The following HERPUD2 variants were observed in gnomAD, a reference collection of about 807,000 sequenced individuals.
HERPUD2 encodes HERPUD family member 2.
HERPUD2 carries 13 observed loss-of-function variants against 49.9 expected under a neutral mutation model. The observed-to-expected ratio is 0.26, with a 90% CI of 0.17 to 0.41. HERPUD2 has a LOEUF of 0.41. Among genes scored for constraint, HERPUD2 ranks in the 10% least tolerant of loss-of-function variants. The pLI is 1.00. For missense variants in HERPUD2, 449 were observed against 492.2 expected, an observed-to-expected ratio of 0.91 and a Z score of 0.83; for synonymous variants, 172 against 171.4, an observed-to-expected ratio of 1.00 and a Z score of -0.03.
chr7:35,670,821 C>A (rs111765722), intron 3 of HERPUD2, among the ~76,000 whole-genome samples: 1 of 151,928 alleles, frequency 6.6e-6, no homozygotes, highest in African/African-American at 2.4e-5. Flanking sequence ...AACACCTATA[C>A]GCAGATATAA....
At chr7:35,659,014 A>T (rs1303748659) in intron 5 of HERPUD2, among the ~76,000 whole-genome samples, 6 of 152,216 alleles carry the variant, frequency 3.9e-5, no homozygotes, top group Non-Finnish European at 7.3e-5. Flanking sequence ...AGCAATTTTC[A>T]GTTTTAATAC....
intron 5 of HERPUD2, among the ~76,000 whole-genome samples, chr7:35,661,279 T>C (rs532529385): frequency 3.3e-5 from 5 of 152,342 alleles, no homozygotes; most frequent in African/African-American, 4.8e-5. Context: ...TTGGTTACTG[T>C]AGCCTTGTAG....
At chr7:35,670,168 G>GA (rs759885585) in intron 4 of HERPUD2, 47 bp downstream of exon 4, 1,636 of 888,494 alleles carry the variant, frequency 1.8e-3, no homozygotes, top group South Asian at 3.1e-3. Context: ...AGACGACGAC[G>GA]AAAAAAAAAG....
intron 5 of HERPUD2, among the ~76,000 whole-genome samples, chr7:35,664,767 T>C (rs1419569042): frequency 1.3e-5 from 2 of 152,222 alleles, no homozygotes; most frequent in African/African-American, 4.8e-5. Context: ...TTATCTATGC[T>C]GTTTATTCTC....
chr7:35,681,570 A>G (rs1298501214), intron 2 of HERPUD2, among the ~76,000 whole-genome samples: 3 of 152,194 alleles, frequency 2.0e-5, no homozygotes, highest in African/African-American at 7.2e-5. Flanking sequence ...AGTAGAAACA[A>G]CCCAAATGTC....
intron 5 of HERPUD2, among the ~76,000 whole-genome samples, chr7:35,654,715 G>C (rs562195907): frequency 7.0e-6 from 1 of 142,562 alleles, no homozygotes; most frequent in African/African-American, 2.6e-5. Flanking sequence ...ATGCTCTGTT[G>C]CCCAGGCTGG....
intron 5 of HERPUD2, among the ~76,000 whole-genome samples, chr7:35,652,704 GGAAGGGAGA>G (rs763845034): frequency 1.3e-5 from 2 of 151,322 alleles, no homozygotes; most frequent in Non-Finnish European, 3.0e-5. Context: ...GGAGGGGAAG[GGAAGGGAGA>G]GAAGGGAGAG....
At chr7:35,677,658 C>T (rs1490313564) in intron 2 of HERPUD2, among the ~76,000 whole-genome samples, 1 of 152,146 alleles carries the variant, frequency 6.6e-6, no homozygotes, top group Non-Finnish European at 1.5e-5. Context: ...GAGGGTCTTC[C>T]TTTTGGTTTG....
At chr7:35,686,737 A>C (rs1215653399) in intron 2 of HERPUD2, among the ~76,000 whole-genome samples, 1 of 112,116 alleles carries the variant, frequency 8.9e-6, no homozygotes, top group African/African-American at 3.8e-5. Context: ...AAAAAAAAAA[A>C]AAAAAAAACC....
In HERPUD2 at chr7:35,694,407, G is replaced by T. The variant is rs553149646; in HGVS notation, c.-77C>A. 1.5e-5 allele frequency: 23 copies of T among 1,485,866 alleles called. No homozygotes were observed. Among genetic ancestry groups the T allele is most frequent in the East Asian group, 2.3e-5 (1 of 44,264 alleles). The allele number at this position is 1,485,866 out of a possible 1,614,324, so 92.0% of individuals were successfully genotyped here. A position where few individuals can be genotyped will look rare whatever the true frequency, so the allele number is the denominator to read the frequency against. On this transcript the variant is annotated 5_prime_UTR_variant, in exon 2 of 9. Transcript: ENST00000311350. ...GAGCCGAGATGGTCACCGCCGGCGC[G>T]ACTGGGATGAGGACAGAAGTGAGTT...
intron 5 of HERPUD2, among the ~76,000 whole-genome samples, chr7:35,655,358 A>G (rs545436100): frequency 1.4e-4 from 21 of 152,362 alleles, no homozygotes; most frequent in African/African-American, 5.1e-4. Context: ...ACAGCACATC[A>G]AAAAGAGAAT....
chr7:35,635,330 T>C lies in HERPUD2; in HGVS notation c.746A>G (p.Glu249Gly). 1 of 1,614,180 alleles carries C rather than the reference T, an allele frequency of 6.2e-7. No individual in the cohort carries two copies. Among genetic ancestry groups the C allele is most frequent in the South Asian group, 1.1e-5 (1 of 91,082 alleles). Residue 249 changes from glutamate (E) to glycine (G), a missense_variant, in exon 7 of 9, where the codon GAA becomes GGA. Coordinates refer to ENST00000311350, the MANE Select transcript of HERPUD2 (RefSeq NM_022373.5). ...AACATTCTCATTCATGGGTCGATTT[T>C]CTTGGGCCACTAGGTTTGGAGCTGG... ...PPPAPNLVAQ[E>G]NRPMNENVQM...
intron 5 of HERPUD2, among the ~76,000 whole-genome samples, chr7:35,640,924 A>T (rs1207209257): frequency 6.6e-6 from 1 of 152,158 alleles, no homozygotes; most frequent in Non-Finnish European, 1.5e-5. Flanking sequence ...AGCTGAAATA[A>T]AGTATTAAGA....
In HERPUD2 at chr7:35,694,638, G is replaced by C; in HGVS notation, c.-297-11C>G. ...TGAGGAGAAAGGAAGCTATACGAAG[G>C]AAGGGTGGGAGGGATGAGGGCACAA... On this transcript the variant is annotated splice_polypyrimidine_tract_variant and intron_variant, in intron 1 of 8. Coordinates refer to ENST00000311350, the MANE Select transcript of HERPUD2 (RefSeq NM_022373.5). The C allele has an allele frequency of 2.8e-6, 1 of 361,986 alleles. No homozygotes were observed. Among genetic ancestry groups the C allele is most frequent in the Non-Finnish European group, 5.3e-6 (1 of 189,772 alleles). 22.4% of individuals were successfully genotyped at this position (361,986 alleles called of 1,614,324 possible).
At chr7:35,670,158 AGAC>A (rs1229566909) in intron 4 of HERPUD2, 54 bp downstream of exon 4, 8 of 837,084 alleles carry the variant, frequency 9.6e-6, no homozygotes, top group South Asian at 3.7e-5. Context: ...GCAAAAAATA[AGAC>A]GACGACGAAA....
intron 3 of HERPUD2, among the ~76,000 whole-genome samples, chr7:35,672,973 G>A (rs561124938): frequency 3.9e-5 from 6 of 152,154 alleles, no homozygotes; most frequent in Non-Finnish European, 5.9e-5. Context: ...ACCTGAACAT[G>A]AATACATAAT....
intron 5 of HERPUD2, among the ~76,000 whole-genome samples, chr7:35,665,490 A>T (rs192588046): frequency 6.6e-5 from 10 of 152,326 alleles, no homozygotes; most frequent in Non-Finnish European, 1.3e-4. Context: ...GGGTGGGAGT[A>T]TCCCGATTTT....
intron 5 of HERPUD2, among the ~76,000 whole-genome samples, chr7:35,653,959 A>G (rs1785222415): frequency 6.6e-6 from 1 of 152,182 alleles, no homozygotes; most frequent in South Asian, 2.1e-4. Flanking sequence ...CACACACCAC[A>G]CTCCAGCCTG....
At chr7:35,652,987 C>A (rs1423981086) in intron 5 of HERPUD2, among the ~76,000 whole-genome samples, 1 of 151,848 alleles carries the variant, frequency 6.6e-6, no homozygotes, top group Non-Finnish European at 1.5e-5. Context: ...AACCACCAAC[C>A]ACAATGAAAA....
Sources: allele counts gnomAD v4.1 joint callset (sites outside exome capture counted in the v4.1 genomes callset), GRCh38; gene constraint gnomAD v4.1.1; transcripts MANE v1.5; gene names NCBI Gene and HGNC (gene_info 2026-07-23, HGNC 2026-07-21).